Variants in SEC14L1 observed in about 807,000 individuals in gnomAD.
The protein encoded by SEC14L1 is SEC14 like lipid binding 1.
A neutral mutation model predicts 85.3 loss-of-function variants in SEC14L1; 48 were observed. The observed-to-expected ratio is 0.56, with a 90% confidence interval of 0.45 to 0.72. The LOEUF (loss-of-function observed/expected upper bound fraction) is 0.72. SEC14L1 is among the 30% of genes least tolerant of loss of function. SEC14L1 has a pLI of 0.00. For missense variants in SEC14L1, 682 were observed against 921.4 expected (o/e 0.74, Z 3.36); for synonymous variants, 391 against 355.5 (o/e 1.10, Z -1.12).
In SEC14L1 at chr17:77,206,335, C is replaced by G; in HGVS notation, c.1276C>G (p.Pro426Ala). 6.2e-7 allele frequency: 1 copy of G among 1,614,034 alleles called. No homozygotes were observed. The highest frequency in any genetic ancestry group is 1.1e-5 in the South Asian group (1 of 91,074). ...CATCGAGGTGGTGGAGGCCAACTAC[C>G]CTGAGACACTGGGCCGCCTTCTCAT... is the stretch of plus-strand genomic sequence containing the variant. ...RIIEVVEANYPETLGRLLILR... is the reference protein window; with the variant it reads ...RIIEVVEANYAETLGRLLILR... The change falls in exon 12 of 17, where the codon CCT (proline) becomes GCT (alanine). Residue 426 changes from proline (P) to alanine (A), a missense_variant. Transcript: ENST00000436233. The surrounding 1 kb of genome is among the most constrained non-coding windows in gnomAD (Gnocchi z 4.3).
chr17:77,163,042 G>A (rs1310081395), intron 3 of SEC14L1, among the ~76,000 whole-genome samples: 3 of 152,148 alleles, frequency 2.0e-5, no homozygotes, highest in African/African-American at 7.2e-5. Flanking sequence ...TCGGCCAATA[G>A]GACACAATTC....
At chr17:77,115,179 C>T (rs1235482111) in intron 3 of SEC14L1, among the ~76,000 whole-genome samples, 2 of 151,652 alleles carry the variant, frequency 1.3e-5, no homozygotes, top group Non-Finnish European at 2.9e-5. Flanking sequence ...GCCTGTAATC[C>T]CAGCACTTTG....
chr17:77,116,131 G>A (rs1473414775), intron 3 of SEC14L1, among the ~76,000 whole-genome samples: 1 of 151,938 alleles, frequency 6.6e-6, no homozygotes, highest in South Asian at 2.1e-4. Context: ...TGTTGCCCAG[G>A]TTGGTCTCAA....
At position 77,216,342 on chromosome 17, in the gene SEC14L1, T is replaced by TTAGTAGGTAGGGC. The variant is rs1178418108; in HGVS notation, c.*2371_*2383dup. On this transcript the variant is annotated 3_prime_UTR_variant, in exon 17 of 17. Coordinates refer to ENST00000436233, the MANE Select transcript of SEC14L1 (RefSeq NM_001143998.2). ...TAGTAGGTAGGGCTAGTAGGTAGGG[T>TTAGTAGGTAGGGC]TAGTAGGTAGGGCTAGTAGGTAGGG... 1.5e-4 allele frequency: 165 copies of TTAGTAGGTAGGGC among 1,101,416 alleles called. 2 individuals carry two copies. The highest frequency in any genetic ancestry group is 2.4e-4 in the Admixed American group (4 of 16,554). 68.2% of individuals were successfully genotyped at this position (1,101,416 alleles called of 1,614,324 possible). A position where few individuals can be genotyped will look rare whatever the true frequency, so the allele number is the denominator to read the frequency against.
chr17:77,191,049 G>T (rs1044793427), intron 4 of SEC14L1, 97 bp downstream of exon 4: 1 of 1,546,180 alleles, frequency 6.5e-7, no homozygotes, highest in African/African-American at 1.4e-5. Context: ...GGGCATCCTG[G>T]AGGGAGAGGG....
intron 2 of SEC14L1, chr17:77,090,052 G>C (rs1365330950): frequency 6.6e-6 from 1 of 151,388 alleles, no homozygotes; most frequent in Non-Finnish European, 1.5e-5. Flanking sequence ...ATTCAGGCCG[G>C]GCACCGTGGT....
In SEC14L1 at chr17:77,209,338, C is replaced by G. The variant is rs956681342; in HGVS notation, c.1477-4C>G. 2 of 1,613,978 alleles carry G rather than the reference C, an allele frequency of 1.2e-6. No homozygotes were observed. Among genetic ancestry groups the G allele is most frequent in the Admixed American group, 3.3e-5 (2 of 59,990 alleles). On this transcript the variant is annotated splice_region_variant and splice_polypyrimidine_tract_variant and intron_variant, in intron 13 of 16. Transcript: ENST00000436233. ...AGGTTTCACTGCTGTGTTTCTTCTTCCAGTGCGAAGTGCCAGAGGGTGGAC... is the reference window on the plus strand; with the variant it reads ...AGGTTTCACTGCTGTGTTTCTTCTTGCAGTGCGAAGTGCCAGAGGGTGGAC...
intron 3 of SEC14L1, among the ~76,000 whole-genome samples, chr17:77,098,360 G>T (rs191686849): frequency 1.2e-4 from 19 of 152,016 alleles, no homozygotes; most frequent in African/African-American, 4.3e-4. Context: ...TTAGTCAGGC[G>T]TGGTGGTGCA....
Position 77,205,354 on chromosome 17 carries a change from T to G in SEC14L1, c.1169+8T>G, listed in dbSNP as rs1367703066. 2 of 1,612,470 alleles carry G rather than the reference T, an allele frequency of 1.2e-6. No homozygotes were observed. Among genetic ancestry groups the G allele is most frequent in the Admixed American group, 1.7e-5 (1 of 59,992 alleles). On this transcript the variant is annotated splice_region_variant and intron_variant, in intron 11 of 16. Transcript: ENST00000436233. ...CTTTGGTCGGCCTATCAGGTAGATG[T>G]GGGATTTTGTTTTTCCTTTCAACTT... is the stretch of plus-strand genomic sequence containing the variant.
intron 3 of SEC14L1, among the ~76,000 whole-genome samples, chr17:77,175,658 A>G (rs139059827): frequency 2.0e-5 from 3 of 152,350 alleles, no homozygotes; most frequent in Non-Finnish European, 4.4e-5. Context: ...ACAGGAATCT[A>G]TAAACTCATT....
intron 3 of SEC14L1, among the ~76,000 whole-genome samples, chr17:77,108,987 A>C (rs529838637): frequency 4.6e-5 from 7 of 152,022 alleles, no homozygotes; most frequent in Admixed American, 4.6e-4. Flanking sequence ...CACACCAGCT[A>C]ATTTTTGTAT....
intron 3 of SEC14L1, among the ~76,000 whole-genome samples, chr17:77,159,414 T>A (rs1017556170): frequency 1.4e-5 from 2 of 146,108 alleles, no homozygotes; most frequent in African/African-American, 5.1e-5. Context: ...AGAGTCTCGC[T>A]CTGTTGCCCA....
chr17:77,196,638 T>C (rs2143065244), intron 8 of SEC14L1, among the ~76,000 whole-genome samples: 1 of 152,334 alleles, frequency 6.6e-6, no homozygotes, highest in African/African-American at 2.4e-5. Context: ...TATCAGAGAT[T>C]AGAAATGTTT....
chr17:77,168,564 G>A (rs1290287809), intron 3 of SEC14L1, among the ~76,000 whole-genome samples: 1 of 152,236 alleles, frequency 6.6e-6, no homozygotes, highest in Middle Eastern at 3.4e-3. Context: ...CTTGTGATGG[G>A]GTCATTTATT....
chr17:77,138,659 G>GA (rs1189654285), upstream of SEC14L1, among the ~76,000 whole-genome samples: 3 of 151,990 alleles, frequency 2.0e-5, no homozygotes, highest in South Asian at 2.1e-4. Context: ...AAAACCTAAG[G>GA]AAAAAAATAG....
At chr17:77,212,276 T>C (rs1042441786) in intron 15 of SEC14L1, 75 bp downstream of exon 15, 3 of 1,564,566 alleles carry the variant, frequency 1.9e-6, no homozygotes, top group Non-Finnish European at 1.7e-6. Context: ...AGTAGACTCT[T>C]TGCTTCGCTC....
At chr17:77,159,737 A>G (rs563126148) in intron 3 of SEC14L1, among the ~76,000 whole-genome samples, 80 of 152,308 alleles carry the variant, frequency 5.3e-4, no homozygotes, top group African/African-American at 1.6e-3. Context: ...GAGGAATTCA[A>G]CCACCACTAT....
chr17:77,114,190 C>T (rs1181420397), intron 3 of SEC14L1, among the ~76,000 whole-genome samples: 1 of 152,174 alleles, frequency 6.6e-6, no homozygotes, highest in Non-Finnish European at 1.5e-5. Context: ...CAAATGATCC[C>T]AGGAGCCACT....
Position 77,209,365 on chromosome 17 carries a change from G to C in SEC14L1, c.1500G>C (p.Leu500=). The C allele has an allele frequency of 6.2e-7, 1 of 1,614,104 alleles. No individual in the cohort carries two copies. Among genetic ancestry groups the C allele is most frequent in the Non-Finnish European group, 8.5e-7 (1 of 1,180,002 alleles). Residue 500 remains leucine (L), a synonymous_variant, in exon 14 of 17, where the codon CTG becomes CTC. Transcript: ENST00000436233. ...ECMCEVPEGG[L]VPKSLYRTAE... The stretch of plus-strand genomic sequence containing the variant: ...AGTGCGAAGTGCCAGAGGGTGGACT[G>C]GTCCCCAAATCTCTGTACCGGACTG...
Sources: allele counts gnomAD v4.1 joint callset (sites outside exome capture counted in the v4.1 genomes callset), GRCh38; gene constraint gnomAD v4.1.1; non-coding constraint Gnocchi (gnomAD v3.1); transcripts MANE v1.5; gene names NCBI Gene and HGNC (gene_info 2026-07-23, HGNC 2026-07-21).